The following VAV2 variants were observed in gnomAD, a reference collection of about 807,000 sequenced individuals.
The protein encoded by VAV2 is guanine nucleotide exchange factor VAV2.
Under a neutral mutation model 132.5 loss-of-function variants are expected in VAV2, and 67 were observed. The observed-to-expected ratio is 0.51, with a 90% CI of 0.42 to 0.62. The LOEUF is 0.62. VAV2 is among the 20% of genes least tolerant of loss of function. The pLI is 0.00. For synonymous variants in VAV2, 492 were observed against 443.5 expected, an observed-to-expected ratio of 1.11 and a Z score of -1.37; for missense variants, 938 against 1,153.6, an observed-to-expected ratio of 0.81 and a Z score of 2.71.
intron 3 of VAV2, among the ~76,000 whole-genome samples, chr9:133,838,374 T>C (rs990341920): frequency 6.9e-6 from 1 of 145,914 alleles, no homozygotes; most frequent in East Asian, 2.1e-4. Flanking sequence ...AGGTGGAGGA[T>C]AGATGGCGGG....
chr9:133,972,531 G>A (rs977494611), intron 1 of VAV2, among the ~76,000 whole-genome samples: 2 of 152,214 alleles, frequency 1.3e-5, no homozygotes, highest in African/African-American at 2.4e-5. Context: ...ACATGTAGCC[G>A]AGGGGCGGCC....
At chr9:133,801,590 G>A (rs1333339081) in intron 9 of VAV2, among the ~76,000 whole-genome samples, 1 of 152,232 alleles carries the variant, frequency 6.6e-6, no homozygotes, top group Non-Finnish European at 1.5e-5. Context: ...CACTGAGCAA[G>A]GGCAGCTGGT....
At position 133,918,687 on chromosome 9, in the gene VAV2, G is replaced by A. The variant is rs2132069549; in HGVS notation, c.321+20416C>T. Among the ~76,000 whole-genome samples the A allele has an allele frequency of 6.6e-6, 1 of 152,056 alleles. No homozygotes were observed. The highest frequency in any genetic ancestry group is 1.9e-4 in the East Asian group (1 of 5,188). ...AACACACAGGCAGACCTCAAATCCA[G>A]GCCCATCTGAGTCCAAAAGTCCCAT... On this transcript the variant is annotated intron_variant, in intron 2 of 29. Transcript: ENST00000371850. The surrounding 1 kb of genome is among the most constrained non-coding windows in gnomAD (Gnocchi z 4.7).
intron 2 of VAV2, among the ~76,000 whole-genome samples, chr9:133,865,973 C>T (rs930112794): frequency 1.8e-4 from 27 of 152,232 alleles, no homozygotes; most frequent in Non-Finnish European, 5.9e-5. Flanking sequence ...CCCTGCCCAG[C>T]CTGGGATGGT....
intron 9 of VAV2, among the ~76,000 whole-genome samples, chr9:133,801,945 A>G (rs1834944134): frequency 6.6e-6 from 1 of 152,124 alleles, no homozygotes; most frequent in East Asian, 1.9e-4. Context: ...TCTGGCCTCC[A>G]GAACAGAGAC....
intron 2 of VAV2, among the ~76,000 whole-genome samples, chr9:133,906,569 A>G (rs1588348465): frequency 6.6e-6 from 1 of 152,282 alleles, no homozygotes; most frequent in East Asian, 1.9e-4. Context: ...AACCAGGTCC[A>G]TGAAAACACT....
intron 1 of VAV2, among the ~76,000 whole-genome samples, chr9:133,987,907 G>A (rs755917279): frequency 3.3e-5 from 5 of 152,206 alleles, no homozygotes; most frequent in Admixed American, 1.3e-4. Flanking sequence ...AAATGACCAG[G>A]TGGGCAACTG....
intron 2 of VAV2, among the ~76,000 whole-genome samples, chr9:133,889,873 C>T (rs1564439180): frequency 6.6e-6 from 1 of 152,214 alleles, no homozygotes; most frequent in Non-Finnish European, 1.5e-5. Flanking sequence ...GAAGACCCCA[C>T]AGCTTCCATG....
At chr9:133,921,333 C>T (rs1840290275) in intron 2 of VAV2, among the ~76,000 whole-genome samples, 1 of 152,226 alleles carries the variant, frequency 6.6e-6, no homozygotes, top group Non-Finnish European at 1.5e-5. Context: ...ATGGCTTCTT[C>T]TTCAGACCAC....
chr9:133,866,227 A>ATTGAG (rs1268422007), intron 2 of VAV2, among the ~76,000 whole-genome samples: 2 of 152,208 alleles, frequency 1.3e-5, no homozygotes, highest in Admixed American at 1.3e-4. Context: ...GTTTCTGACA[A>ATTGAG]TTGAGGATTT....
At chr9:133,851,083 A>G (rs933059846) in intron 3 of VAV2, among the ~76,000 whole-genome samples, 3 of 152,188 alleles carry the variant, frequency 2.0e-5, no homozygotes, top group African/African-American at 7.2e-5. Context: ...AACCACTTTC[A>G]TGGACAGTCA....
chr9:133,954,840 C>G (rs503376), intron 1 of VAV2, among the ~76,000 whole-genome samples: 42,166 of 152,008 alleles, frequency 0.28, 6,012 homozygotes, highest in East Asian at 0.41. Context: ...GTCTGCATTA[C>G]GATAAATAAA....
In VAV2 at chr9:133,833,148, A is replaced by C. The variant is rs1306648199; in HGVS notation, c.449+1124T>G. Among the ~76,000 whole-genome samples, 1 of 152,208 alleles carries C rather than the reference A, an allele frequency of 6.6e-6. No individual in the cohort carries two copies. Among genetic ancestry groups the C allele is most frequent in the Admixed American group, 6.5e-5 (1 of 15,282 alleles). On this transcript the variant is annotated intron_variant, in intron 4 of 29. Transcript: ENST00000371850. The surrounding 1 kb of genome is among the most constrained non-coding windows in gnomAD (Gnocchi z 5.6). ...TGAGGAATTTCTTTCACAGAAGTGC[A>C]TGAGACTGGGCCGCCAGCGTGGTGC... is the stretch of plus-strand genomic sequence containing the variant.
At chr9:133,835,719 G>A (rs980174093) in intron 3 of VAV2, among the ~76,000 whole-genome samples, 6 of 152,178 alleles carry the variant, frequency 3.9e-5, no homozygotes, top group Admixed American at 1.3e-4. Flanking sequence ...CGCGCGGTCC[G>A]TCCCGGCAGC....
chr9:133,933,562 ATGGATGGATG>A (rs2132114976), intron 2 of VAV2, among the ~76,000 whole-genome samples: 1 of 148,404 alleles, frequency 6.7e-6, no homozygotes, highest in South Asian at 2.1e-4. Flanking sequence ...TGGATGGTGG[ATGGATGGATG>A]GATGGTGGAT....
chr9:133,842,364 G>A (rs1379875288), intron 3 of VAV2, among the ~76,000 whole-genome samples: 3 of 152,202 alleles, frequency 2.0e-5, no homozygotes, highest in South Asian at 2.1e-4. Flanking sequence ...TCGCCCAGCC[G>A]GAGCACTCCG....
intron 10 of VAV2, 61 bp downstream of exon 10, chr9:133,797,649 C>T: frequency 6.8e-7 from 1 of 1,479,834 alleles, no homozygotes; most frequent in Non-Finnish European, 9.2e-7. Flanking sequence ...ACCTAACGAG[C>T]TCTGGCCTGC....
chr9:133,805,448 C>T (rs1005295930), intron 9 of VAV2, among the ~76,000 whole-genome samples: 2 of 152,136 alleles, frequency 1.3e-5, no homozygotes, highest in East Asian at 1.9e-4. Context: ...TGGCTGGAAA[C>T]GCCATCTCCC....
rs59772575 is a variant in VAV2, at chr9:133,940,926, G to GA, written c.205-1708dup. Among the ~76,000 whole-genome samples the GA allele has an allele frequency of 4.5e-3, 604 of 135,474 alleles. 2 individuals are homozygous for GA. Among genetic ancestry groups the GA allele is most frequent in the Non-Finnish European group, 4.8e-3 (297 of 62,120 alleles). 88.9% of individuals were successfully genotyped at this position (135,474 alleles called of 152,430 possible). A position where few individuals can be genotyped will look rare whatever the true frequency, so the allele number is the denominator to read the frequency against. On this transcript the variant is annotated intron_variant, in intron 1 of 29. Coordinates refer to ENST00000371850, the MANE Select transcript of VAV2 (RefSeq NM_001134398.2). ...AACCAAAATGTCCTTATAGCTAAAA[G>GA]AAAAAAAAAAAAAAACTGGCCCAGG... is the stretch of plus-strand genomic sequence containing the variant.
Sources: gnomAD v4.1 joint callset for allele counts (sites outside exome capture counted in the v4.1 genomes callset) on GRCh38, gnomAD v4.1.1 for gene constraint, Gnocchi (gnomAD v3.1) non-coding constraint, MANE v1.5 for transcripts, NCBI Gene and HGNC (gene_info 2026-07-23, HGNC 2026-07-21) for gene names.